Variants in TMCO6 observed in about 807,000 individuals in gnomAD.
TMCO6 encodes transmembrane and coiled-coil domains 6.
TMCO6 carries 47 observed loss-of-function variants against 61.8 expected under a neutral mutation model. The observed-to-expected ratio is 0.76, with a 90% CI of 0.60 to 0.97. The LOEUF is 0.97. TMCO6 is among the 50% of genes least tolerant of loss of function. TMCO6 has a pLI of 0.00. For missense variants in TMCO6, 557 were observed against 601.6 expected (o/e 0.93, Z 0.78); for synonymous variants, 261 against 254.2 (o/e 1.03, Z -0.25).
At position 140,642,979 on chromosome 5, in the gene TMCO6, C is replaced by A; in HGVS notation, c.744C>A (p.Gly248=). ...ACATGCTACAAATGTTGCAACCTGG[C>A]CCAAAGCTCAACCCTGGGGTCGCTG... is the stretch of plus-strand genomic sequence containing the variant. ...PQHMLQMLQP[G]PKLNPGVAVE... Residue 248 remains glycine, a synonymous_variant, in exon 7 of 12, where the codon GGC becomes GGA. Coordinates refer to ENST00000394671, the MANE Select transcript of TMCO6 (RefSeq NM_018502.5). The A allele has an allele frequency of 6.2e-7, 1 of 1,614,208 alleles. No homozygotes were observed. The highest frequency in any genetic ancestry group is 8.5e-7 in the Non-Finnish European group (1 of 1,180,034).
chr5:140,646,682 G>A (rs761141504), downstream of TMCO6, among the ~76,000 whole-genome samples: 4 of 152,126 alleles, frequency 2.6e-5, no homozygotes, highest in Non-Finnish European at 5.9e-5. Context: ...GTCTTAGAGG[G>A]GTAAGTGCAT....
At chr5:140,613,983 C>A in the TMCO6 span, among the ~76,000 whole-genome samples, 1 of 151,956 alleles carries the variant, frequency 6.6e-6, no homozygotes, top group African/African-American at 2.4e-5. Flanking sequence ...ACTGCAACAT[C>A]CGCCTCCCCG....
the TMCO6 span, among the ~76,000 whole-genome samples, chr5:140,617,044 C>CA: frequency 6.5e-5 from 9 of 139,154 alleles, no homozygotes; most frequent in African/African-American, 1.9e-4. Flanking sequence ...CCGTCTCAGG[C>CA]AAAAAAAGAA....
downstream of TMCO6, chr5:140,647,251 C>T (rs1168752295): frequency 6.5e-7 from 1 of 1,540,740 alleles, no homozygotes; most frequent in Non-Finnish European, 8.7e-7. Flanking sequence ...GCGTCCCGCA[C>T]TCACCGTAGC....
the TMCO6 span, among the ~76,000 whole-genome samples, chr5:140,600,207 A>G: frequency 5.8e-3 from 876 of 152,236 alleles, 8 homozygotes; most frequent in Middle Eastern, 0.017. Context: ...TTAATGTCTG[A>G]TAAGAAATAA....
chr5:140,610,129 G>A, the TMCO6 span, among the ~76,000 whole-genome samples: 1 of 144,982 alleles, frequency 6.9e-6, no homozygotes, highest in Admixed American at 7.2e-5. Flanking sequence ...TGGGCGGATT[G>A]CCTGAGCTCA....
the TMCO6 span, among the ~76,000 whole-genome samples, chr5:140,633,903 C>T: frequency 6.6e-6 from 1 of 151,618 alleles, no homozygotes; most frequent in African/African-American, 2.4e-5. Flanking sequence ...AATTCTCTGC[C>T]TCAGCCTCCC....
the TMCO6 span, among the ~76,000 whole-genome samples, chr5:140,620,495 A>G: frequency 6.6e-6 from 1 of 152,184 alleles, no homozygotes; most frequent in East Asian, 1.9e-4. Flanking sequence ...TATACCATAC[A>G]AAGAGTGAAT....
At chr5:140,611,737 T>C in the TMCO6 span, among the ~76,000 whole-genome samples, 9 of 152,220 alleles carry the variant, frequency 5.9e-5, no homozygotes, top group African/African-American at 2.2e-4. Flanking sequence ...CATATTGGTC[T>C]GTAGTTTTCT....
chr5:140,644,478 G>A, intron 10 of TMCO6, 95 bp from the exon 11 acceptor site: 1 of 1,444,304 alleles, frequency 6.9e-7, no homozygotes, highest in Non-Finnish European at 9.5e-7. Flanking sequence ...GCTTGGCATG[G>A]TGCCTGGGCA....
chr5:140,596,917 A>AT, the TMCO6 span, among the ~76,000 whole-genome samples: 1 of 152,168 alleles, frequency 6.6e-6, no homozygotes, highest in South Asian at 2.1e-4. Context: ...ACTTCATGTA[A>AT]TTTGTGTGAG....
At chr5:140,613,896 TG>T in the TMCO6 span, among the ~76,000 whole-genome samples, 1 of 149,630 alleles carries the variant, frequency 6.7e-6, no homozygotes, top group Admixed American at 6.7e-5. Context: ...TTTTTTTTGT[TG>T]TTGTTGTTGT....
the TMCO6 span, among the ~76,000 whole-genome samples, chr5:140,630,043 G>A: frequency 6.6e-6 from 1 of 150,836 alleles, no homozygotes; most frequent in African/African-American, 2.4e-5. Context: ...AGGCTGGAGT[G>A]CAGTGGCGTG....
At chr5:140,619,408 TG>T in the TMCO6 span, among the ~76,000 whole-genome samples, 1 of 152,056 alleles carries the variant, frequency 6.6e-6, no homozygotes, top group Non-Finnish European at 1.5e-5. Flanking sequence ...CGGAGGAAGG[TG>T]GGGGGAAAGT....
chr5:140,612,740 C>T, the TMCO6 span, among the ~76,000 whole-genome samples: 2 of 152,190 alleles, frequency 1.3e-5, no homozygotes, highest in East Asian at 3.8e-4. Flanking sequence ...AAGTTGAAAA[C>T]AAAAGATCAC....
chr5:140,621,627 AAG>A, the TMCO6 span, among the ~76,000 whole-genome samples: 1 of 152,242 alleles, frequency 6.6e-6, no homozygotes, highest in African/African-American at 2.4e-5. Context: ...TTCAGGGAAT[AAG>A]AGAGATAACC....
upstream of TMCO6, among the ~76,000 whole-genome samples, chr5:140,638,351 A>G (rs1756826650): frequency 6.6e-6 from 1 of 152,198 alleles, no homozygotes; most frequent in African/African-American, 2.4e-5. Context: ...CCTCTTTCCA[A>G]ATAATGAAAG....
chr5:140,644,122 C>T lies in TMCO6; in HGVS notation c.1128C>T (p.Thr376=). The T allele has an allele frequency of 6.2e-7, 1 of 1,614,214 alleles. No homozygotes were observed. Among genetic ancestry groups the T allele is most frequent in the Middle Eastern group, 1.6e-4 (1 of 6,062 alleles). ...CAGCAAACAGTCCTAGTTTCTGTAC[C>T]TCCTTGCTCTCCCTGGATCTGATTG... ...NLTANSPSFC[T]SLLSLDLIEP... Residue 376 remains threonine (T), a synonymous_variant, in exon 10 of 12, where the codon ACC becomes ACT. Coordinates refer to ENST00000394671, the MANE Select transcript of TMCO6 (RefSeq NM_018502.5).
At chr5:140,605,281 A>G in the TMCO6 span, among the ~76,000 whole-genome samples, 2 of 152,172 alleles carry the variant, frequency 1.3e-5, no homozygotes, top group Non-Finnish European at 2.9e-5. Context: ...TGCAAATACA[A>G]TTTTACTTCT....
Sources: gnomAD v4.1 joint callset for allele counts (sites outside exome capture counted in the v4.1 genomes callset) on GRCh38, gnomAD v4.1.1 for gene constraint, MANE v1.5 for transcripts, NCBI Gene and HGNC (gene_info 2026-07-23, HGNC 2026-07-21) for gene names.